Variants in ZMYM5 observed in about 807,000 individuals in gnomAD.
The protein encoded by ZMYM5 is zinc finger MYM-type protein 5.
In ZMYM5, 41 loss-of-function variants were observed where a neutral mutation model predicts 61.8. That is an observed-to-expected ratio of 0.66 (90% CI 0.52 to 0.86). The LOEUF is 0.86. ZMYM5 is among the 40% of genes least tolerant of loss of function. ZMYM5 has a pLI of 0.00. For synonymous variants in ZMYM5, 257 were observed against 276.4 expected, an observed-to-expected ratio of 0.93 and a Z score of 0.70; for missense variants, 706 against 786.7, an observed-to-expected ratio of 0.90 and a Z score of 1.23.
In ZMYM5 at chr13:19,837,704, T is replaced by A. The variant is rs1952718469; in HGVS notation, c.990A>T (p.Lys330Asn). 6.3e-7 allele frequency: 1 copy of A among 1,578,382 alleles called. No homozygotes were observed. The highest frequency in any genetic ancestry group is 2.1e-5 in the Admixed American group (1 of 47,336). The part of the protein sequence containing the change: ...SPCENNWNLK[K>N]GVFNKSRCTI... ...TACATCTTGACTTATTAAAAACTCC[T>A]TTTTTAAGATTCCAGTTGTTTTCAC... Residue 330 changes from lysine (K) to asparagine (N), a missense_variant, in exon 6 of 8, where the codon AAA becomes AAT. By Grantham distance (94) the Lys-to-Asn change is moderately conservative. Transcript: ENST00000337963.
intron 4 of ZMYM5, among the ~76,000 whole-genome samples, chr13:19,845,295 A>G (rs978979560): frequency 1.3e-5 from 2 of 152,234 alleles, no homozygotes; most frequent in Non-Finnish European, 2.9e-5. Context: ...TGTGAAGTCA[A>G]CTATTTCCAT....
At chr13:19,854,571 T>C (rs1953435543) in intron 2 of ZMYM5, among the ~76,000 whole-genome samples, 2 of 143,630 alleles carry the variant, frequency 1.4e-5, no homozygotes, top group Admixed American at 1.5e-4. Flanking sequence ...GAGGTTACAG[T>C]GAGCTGAGAT....
chr13:19,847,803 ATTTTTTTT>A (rs34176871), intron 4 of ZMYM5, among the ~76,000 whole-genome samples: 16 of 79,888 alleles, frequency 2.0e-4, no homozygotes, highest in South Asian at 1.2e-3. Context: ...TGCCCGGCTA[ATTTTTTTT>A]TTTTTTTTTT....
chr13:19,838,992 A>C lies in ZMYM5; in HGVS notation c.587-7T>G. 2.5e-6 allele frequency: 4 copies of C among 1,594,560 alleles called. No homozygotes were observed. The highest frequency in any genetic ancestry group is 3.4e-6 in the Non-Finnish European group (4 of 1,172,268). The stretch of plus-strand genomic sequence containing the variant: ...GACTGGGAGATCCAAGAATCTTAAA[A>C]ATGAAACAAGAAAAAAATCATGGAA... On this transcript the variant is annotated splice_polypyrimidine_tract_variant and splice_region_variant and intron_variant, in intron 4 of 7. Coordinates refer to ENST00000337963, the MANE Select transcript of ZMYM5 (RefSeq NM_001142684.2).
At chr13:19,834,150 T>C (rs192253452) in intron 7 of ZMYM5, among the ~76,000 whole-genome samples, 2,611 of 152,252 alleles carry the variant, frequency 0.017, 33 homozygotes, top group Non-Finnish European at 0.025. Context: ...CTTATTTTTT[T>C]TGTATTTAGT....
intron 2 of ZMYM5, among the ~76,000 whole-genome samples, chr13:19,855,846 C>T (rs190210352): frequency 6.6e-6 from 1 of 151,102 alleles, no homozygotes; most frequent in Non-Finnish European, 1.5e-5. Context: ...CCCATCTCTA[C>T]TAAAAAAATA....
Position 19,851,727 on chromosome 13 carries a change from C to T in ZMYM5, c.454G>A (p.Asp152Asn), listed in dbSNP as rs144870613. Residue 152 changes from aspartate to asparagine, a missense_variant, in exon 3 of 8, where the codon GAT (aspartate) becomes AAT (asparagine). Physicochemically the swap from Asp to Asn is conservative, Grantham distance 23. Coordinates refer to ENST00000337963, the MANE Select transcript of ZMYM5 (RefSeq NM_001142684.2). ...AGACTGGAAGTGGAGAAATCCAAAT[C>T]GTTGGTTTTGTTTTTAGTTCCAGGA... ...GLPGTKNKTN[D>N]LDFSTSSLSR... The T allele has an allele frequency of 6.7e-5, 106 of 1,582,410 alleles. No homozygotes were observed. The highest frequency in any genetic ancestry group is 8.4e-5 in the Non-Finnish European group (98 of 1,170,820).
rs10690639 is a variant in ZMYM5 at position 19,860,935 on chromosome 13, CGT to C, written c.-11+1462_-11+1463del. 9.3e-3 allele frequency among the ~76,000 whole-genome samples: 1,274 copies of C among 136,572 alleles called. 13 individuals carry two copies. The highest frequency in any genetic ancestry group is 0.013 in the African/African-American group (488 of 36,984). The allele number at this position is 136,572 out of a possible 152,430, so 89.6% of individuals were successfully genotyped here. ...CTAACTATATGCATGTATATGCGCA[CGT>C]GTGTGTGTGTGTGTGTGTGTGTGTG... On this transcript the variant is annotated intron_variant, in intron 2 of 7. Transcript: ENST00000337963.
chr13:19,838,202 C>A (rs1952736475), intron 5 of ZMYM5, among the ~76,000 whole-genome samples: 2 of 152,064 alleles, frequency 1.3e-5, no homozygotes, highest in Admixed American at 6.6e-5. Flanking sequence ...AATGATGAAA[C>A]CCTGTCTCTA....
intron 4 of ZMYM5, among the ~76,000 whole-genome samples, chr13:19,840,958 T>TGC (rs1952855163): frequency 6.6e-6 from 1 of 151,214 alleles, no homozygotes; most frequent in Non-Finnish European, 1.5e-5. Context: ...ATTACAGGCC[T>TGC]GAGCCACCGC....
chr13:19,854,891 G>A (rs1264951006), intron 2 of ZMYM5, among the ~76,000 whole-genome samples: 1 of 152,066 alleles, frequency 6.6e-6, no homozygotes, highest in Non-Finnish European at 1.5e-5. Flanking sequence ...CTATTTCTTA[G>A]CCAGTATATT....
chr13:19,862,037 G>C (rs879832495), intron 2 of ZMYM5, among the ~76,000 whole-genome samples: 11 of 152,036 alleles, frequency 7.2e-5, no homozygotes, highest in Non-Finnish European at 1.5e-4. Context: ...TCAAATACAA[G>C]GCAAATATCA....
intron 7 of ZMYM5, among the ~76,000 whole-genome samples, chr13:19,834,994 CTTTTT>C (rs71070250): frequency 7.1e-6 from 1 of 140,622 alleles, no homozygotes; most frequent in Non-Finnish European, 1.5e-5. Context: ...CATTTTCTTT[CTTTTT>C]TTTTTTTTTT....
At chr13:19,827,054 T>C (rs1228252787) in intron 7 of ZMYM5, among the ~76,000 whole-genome samples, 1 of 152,146 alleles carries the variant, frequency 6.6e-6, no homozygotes, top group South Asian at 2.1e-4. Flanking sequence ...AGGCAGAAGA[T>C]AGACTAACAG....
chr13:19,843,867 G>C (rs1298357136), intron 4 of ZMYM5, among the ~76,000 whole-genome samples: 1 of 151,180 alleles, frequency 6.6e-6, no homozygotes, highest in Non-Finnish European at 1.5e-5. Flanking sequence ...AGGTGCGGTG[G>C]CTCACGCCTG....
intron 1 of ZMYM5, among the ~76,000 whole-genome samples, chr13:19,862,673 A>T (rs922656515): frequency 6.6e-6 from 1 of 152,196 alleles, no homozygotes; most frequent in Non-Finnish European, 1.5e-5. Flanking sequence ...GCTTCGTCCA[A>T]CTGCAGTACT....
intron 2 of ZMYM5, among the ~76,000 whole-genome samples, chr13:19,855,519 C>G (rs1408724798): frequency 6.6e-6 from 1 of 151,574 alleles, no homozygotes; most frequent in East Asian, 2.0e-4. Flanking sequence ...GCCTGGGCCT[C>G]TCAAAGTGCT....
intron 2 of ZMYM5, among the ~76,000 whole-genome samples, chr13:19,858,615 C>T (rs1953599687): frequency 1.3e-5 from 2 of 148,962 alleles, no homozygotes; most frequent in African/African-American, 4.9e-5. Context: ...AAAAGATGGC[C>T]GATTGATCAC....
chr13:19,863,336 G>C (rs1474100753), intron 1 of ZMYM5, 114 bp downstream of exon 1: 2 of 151,958 alleles, frequency 1.3e-5, no homozygotes, highest in Non-Finnish European at 2.9e-5. Flanking sequence ...GCCCCGAGCT[G>C]CCCTCGAGGC....
Sources: allele counts gnomAD v4.1 joint callset (sites outside exome capture counted in the v4.1 genomes callset), GRCh38; gene constraint gnomAD v4.1.1; transcripts MANE v1.5; gene names NCBI Gene and HGNC (gene_info 2026-07-23, HGNC 2026-07-21).